Variants in GNAI1 observed in about 807,000 individuals in gnomAD.
GNAI1 encodes G protein subunit alpha i1.
Under a neutral mutation model 38.9 loss-of-function variants are expected in GNAI1, and 11 were observed. The observed-to-expected ratio is 0.28, with a 90% CI of 0.18 to 0.47. The LOEUF (loss-of-function observed/expected upper bound fraction) is 0.47. Ranked by LOEUF, GNAI1 falls within the 20% of genes least tolerant of loss-of-function variation. GNAI1 has a pLI of 0.99. For missense variants in GNAI1, 317 were observed against 436.9 expected, an observed-to-expected ratio of 0.73 and a Z score of 2.45; for synonymous variants, 166 against 145.1, an observed-to-expected ratio of 1.14 and a Z score of -1.04.
At chr7:80,206,355 T>C (rs1402710808) in intron 5 of GNAI1, among the ~76,000 whole-genome samples, 1 of 151,272 alleles carries the variant, frequency 6.6e-6, no homozygotes, top group African/African-American at 2.5e-5. Context: ...CATTTTTTTC[T>C]TAAAGCCTTC....
intron 5 of GNAI1, among the ~76,000 whole-genome samples, chr7:80,205,381 G>A (rs1788755949): frequency 6.6e-6 from 1 of 151,942 alleles, no homozygotes; most frequent in East Asian, 1.9e-4. Flanking sequence ...GCAGTCATGG[G>A]CATCAATTAG....
At chr7:80,215,412 C>T (rs1040144764) in intron 7 of GNAI1, among the ~76,000 whole-genome samples, 4 of 152,022 alleles carry the variant, frequency 2.6e-5, no homozygotes, top group African/African-American at 4.8e-5. Context: ...TTTTGGAGAA[C>T]GAAACTTATG....
chr7:80,158,445 G>C (rs1436177665), intron 1 of GNAI1, among the ~76,000 whole-genome samples: 2 of 152,158 alleles, frequency 1.3e-5, no homozygotes, highest in African/African-American at 4.8e-5. Context: ...CACGTGGGAG[G>C]GACCTGGTGG....
intron 1 of GNAI1, among the ~76,000 whole-genome samples, chr7:80,179,155 C>G (rs1056852383): frequency 2.0e-5 from 3 of 152,044 alleles, no homozygotes; most frequent in African/African-American, 7.2e-5. Flanking sequence ...TAGTGTATTC[C>G]TTTTTAATAA....
Position 80,135,188 on chromosome 7 carries a change from A to G in GNAI1, c.28A>G (p.Lys10Glu). The change falls in exon 1 of 8, where the codon AAG (lysine) becomes GAG (glutamate). Residue 10 changes from lysine (K) to glutamate (E), a missense_variant. Lys to Glu is a moderately conservative substitution (Grantham distance 56). Around this residue, in one of 5 missense-constraint regions of GNAI1, gnomAD observed 37 missense variants for 26.2 expected, o/e 1.41. Coordinates refer to ENST00000649796, the MANE Select transcript of GNAI1 (RefSeq NM_002069.6). Reference protein sequence around the residue: MGCTLSAEDKAAVERSKMID... With the variant: MGCTLSAEDEAAVERSKMID... ...GGGCTGCACGCTGAGCGCCGAGGAC[A>G]AGGCGGCGGTGGAGCGGAGTAAGAT... 6.5e-7 allele frequency: 1 copy of G among 1,549,082 alleles called. No individual in the cohort carries two copies. Among genetic ancestry groups the G allele is most frequent in the Non-Finnish European group, 8.7e-7 (1 of 1,148,764 alleles).
At chr7:80,170,184 A>T (rs1788077367) in intron 1 of GNAI1, among the ~76,000 whole-genome samples, 1 of 152,124 alleles carries the variant, frequency 6.6e-6, no homozygotes, top group Non-Finnish European at 1.5e-5. Flanking sequence ...TGTATGTAGG[A>T]TTGAGTGTTT....
At chr7:80,185,147 A>AT in intron 1 of GNAI1, among the ~76,000 whole-genome samples, 1 of 151,858 alleles carries the variant, frequency 6.6e-6, no homozygotes, top group African/African-American at 2.4e-5. Flanking sequence ...CCCCAACCCC[A>AT]TTTTTTTCTT....
chr7:80,213,852 TTA>T (rs1788914914), intron 7 of GNAI1, among the ~76,000 whole-genome samples: 1 of 151,920 alleles, frequency 6.6e-6, no homozygotes, highest in Non-Finnish European at 1.5e-5. Context: ...GTTTTTTTTT[TTA>T]AAAGTCTCAA....
intron 1 of GNAI1, among the ~76,000 whole-genome samples, chr7:80,137,173 T>G (rs1368011535): frequency 8.5e-5 from 13 of 152,048 alleles, no homozygotes; most frequent in Non-Finnish European, 4.4e-5. Context: ...TATAACTGAA[T>G]GTATAATACA....
rs527804764 is a variant in GNAI1 at position 80,215,663 on chromosome 7, T to A, written c.875-1640T>A. On this transcript the variant is annotated intron_variant, in intron 7 of 7. Coordinates refer to ENST00000649796, the MANE Select transcript of GNAI1 (RefSeq NM_002069.6). ...GGGTATGATATTTACTCTTGAAGAG[T>A]TCACATTCTAGTTTAGGAGATTCAG... 1.2e-4 allele frequency among the ~76,000 whole-genome samples: 19 copies of A among 152,206 alleles called. No homozygotes were observed. The East Asian group carries it at 3.5e-3, about 28-fold the overall frequency.
At chr7:80,205,924 G>C (rs1428410711) in intron 5 of GNAI1, among the ~76,000 whole-genome samples, 1 of 151,964 alleles carries the variant, frequency 6.6e-6, no homozygotes, top group African/African-American at 2.4e-5. Context: ...CTTTGCTTCA[G>C]CTAACTCTGT....
chr7:80,187,186 GGTGTGTGTGTGTGTGTGTGTCTTT>G (rs71915980), intron 1 of GNAI1: 79,548 of 142,202 alleles, frequency 0.56, 22,476 homozygotes, highest in East Asian at 0.75. Context: ...TGATGATTTG[GGTGTGTGTGTGTGTGTGTGTCTTT>G]GTGTGTGTGT....
intron 4 of GNAI1, among the ~76,000 whole-genome samples, chr7:80,201,419 A>G (rs2115676710): frequency 6.6e-6 from 1 of 152,264 alleles, no homozygotes; most frequent in South Asian, 2.1e-4. Context: ...CTTGGACGTG[A>G]GTTAACAGAA....
rs74812729 is a variant in GNAI1 at position 80,221,642 on chromosome 7, T to C, written c.*4149T>C. 1.3e-3 allele frequency among the ~76,000 whole-genome samples: 107 copies of C among 84,136 alleles called. No homozygotes were observed. Among genetic ancestry groups the C allele is most frequent in the Middle Eastern group, 5.6e-3 (1 of 180 alleles). 55.2% of individuals were successfully genotyped at this position (84,136 alleles called of 152,430 possible). A position where few individuals can be genotyped will look rare whatever the true frequency, so the allele number is the denominator to read the frequency against. On this transcript the variant is annotated 3_prime_UTR_variant, in exon 8 of 8. Transcript: ENST00000649796. ...ATGTTAGGTTGGAAATTTTCTTTTT[T>C]TTTTTTTTTTTTTTTTTTTGGTATG...
intron 1 of GNAI1, among the ~76,000 whole-genome samples, chr7:80,156,776 AT>A (rs1307785642): frequency 6.6e-6 from 1 of 152,084 alleles, no homozygotes; most frequent in Non-Finnish European, 1.5e-5. Context: ...TTGCTTTCTA[AT>A]TCTATAATTT....
chr7:80,199,153 G>A (rs1788635096), intron 3 of GNAI1, 72 bp from the exon 4 acceptor site: 2 of 1,038,536 alleles, frequency 1.9e-6, no homozygotes, highest in Non-Finnish European at 1.4e-6. Flanking sequence ...TTTAACTCTA[G>A]AATTGTCTCC....
chr7:80,139,676 G>C (rs1787488205), intron 1 of GNAI1, among the ~76,000 whole-genome samples: 1 of 152,082 alleles, frequency 6.6e-6, no homozygotes, highest in African/African-American at 2.4e-5. Flanking sequence ...ATATCAATGA[G>C]AGCAAATAAC....
chr7:80,202,070 G>T (rs1484461465), intron 4 of GNAI1, among the ~76,000 whole-genome samples: 1 of 151,912 alleles, frequency 6.6e-6, no homozygotes, highest in African/African-American at 2.4e-5. Context: ...AACTATAGCA[G>T]TTTTTTTGTT....
intron 1 of GNAI1, among the ~76,000 whole-genome samples, chr7:80,181,707 T>C (rs958334561): frequency 6.6e-6 from 1 of 152,212 alleles, no homozygotes; most frequent in Non-Finnish European, 1.5e-5. Context: ...ATGTATTCTT[T>C]CATGCTTCTG....
Sources: gnomAD v4.1 joint callset for allele counts (sites outside exome capture counted in the v4.1 genomes callset) on GRCh38, gnomAD v4.1.1 for gene constraint, gnomAD v4.1.1 regional missense constraint, MANE v1.5 for transcripts, NCBI Gene and HGNC (gene_info 2026-07-23, HGNC 2026-07-21) for gene names.